SPATA16: variants seen among roughly 807,000 people sequenced by gnomAD.
SPATA16 encodes spermatogenesis associated 16.
Under a neutral mutation model 63.3 loss-of-function variants are expected in SPATA16, and 36 were observed. The observed-to-expected ratio is 0.57, with a 90% CI of 0.44 to 0.75. The LOEUF (loss-of-function observed/expected upper bound fraction) is 0.75. Ranked by LOEUF, SPATA16 falls within the 30% of genes least tolerant of loss-of-function variation. The pLI is 0.00. For synonymous variants in SPATA16, 203 were observed against 216.7 expected (o/e 0.94, Z 0.56); for missense variants, 646 against 679.3 (o/e 0.95, Z 0.54).
At chr3:173,110,533 A>G (rs2108331488) in intron 2 of SPATA16, among the ~76,000 whole-genome samples, 1 of 152,380 alleles carries the variant, frequency 6.6e-6, no homozygotes, top group Middle Eastern at 3.4e-3. Flanking sequence ...AATTAAACAC[A>G]TACCATACAG....
In SPATA16 at chr3:172,909,828, C is replaced by T. The variant is rs145479184; in HGVS notation, c.1587+3833G>A. ...CAGCAATAGATAACAACTGTAATGT[C>T]GCAAAATAGTGGCAAATCCATCATA... is the stretch of plus-strand genomic sequence containing the variant. On this transcript the variant is annotated intron_variant, in intron 10 of 10. Coordinates refer to ENST00000351008, the MANE Select transcript of SPATA16 (RefSeq NM_031955.6). Among the ~76,000 whole-genome samples, 780 of 152,156 alleles carry T rather than the reference C, an allele frequency of 5.1e-3. 8 individuals are homozygous for T. The highest frequency in any genetic ancestry group is 0.018 in the African/African-American group (736 of 41,516).
chr3:172,992,704 C>T (rs1261433166), intron 4 of SPATA16, among the ~76,000 whole-genome samples: 5 of 152,076 alleles, frequency 3.3e-5, no homozygotes, highest in African/African-American at 1.2e-4. Flanking sequence ...GCTACTACTG[C>T]CCTGGGCATG....
At chr3:173,019,678 G>A in intron 3 of SPATA16, 103 bp from the exon 4 acceptor site, 1 of 1,088,192 alleles carries the variant, frequency 9.2e-7, no homozygotes, top group Non-Finnish European at 1.4e-6. Flanking sequence ...TATATACTAT[G>A]TGTTTTTAAA....
chr3:173,018,707 G>A (rs926685592), intron 4 of SPATA16, among the ~76,000 whole-genome samples: 2 of 152,166 alleles, frequency 1.3e-5, no homozygotes, highest in Non-Finnish European at 2.9e-5. Flanking sequence ...ATCCTTAGAA[G>A]TTGTGCTTGG....
intron 4 of SPATA16, among the ~76,000 whole-genome samples, chr3:173,013,318 G>A (rs980440740): frequency 1.3e-5 from 2 of 152,116 alleles, no homozygotes; most frequent in Admixed American, 6.5e-5. Flanking sequence ...ACTCTTGGTG[G>A]GAATGTAAAT....
intron 2 of SPATA16, among the ~76,000 whole-genome samples, chr3:173,107,546 T>C (rs912908377): frequency 6.6e-6 from 1 of 152,092 alleles, no homozygotes; most frequent in Non-Finnish European, 1.5e-5. Context: ...TCTTCTCTAT[T>C]TTAGTGAATG....
intron 2 of SPATA16, among the ~76,000 whole-genome samples, chr3:173,074,695 T>C (rs1736748260): frequency 6.6e-6 from 1 of 151,918 alleles, no homozygotes; most frequent in Non-Finnish European, 1.5e-5. Flanking sequence ...ATGGCAACCA[T>C]AGACACTGGG....
Position 172,889,395 on chromosome 3 carries a change from T to G in SPATA16, c.*175A>C. ...GCTGAGAATATTTATTGCTGCCAGT[T>G]GAGATTAATGAAACATAGAGTGTCT... On this transcript the variant is annotated 3_prime_UTR_variant, in exon 11 of 11. Transcript: ENST00000351008. 193 of 876,976 alleles carry G rather than the reference T, an allele frequency of 2.2e-4. No homozygotes were observed. The highest frequency in any genetic ancestry group is 3.6e-4 in the Middle Eastern group (1 of 2,798). 54.3% of individuals were successfully genotyped at this position (876,976 alleles called of 1,614,324 possible). A position where few individuals can be genotyped will look rare whatever the true frequency, so the allele number is the denominator to read the frequency against.
chr3:173,019,695 A>G, intron 3 of SPATA16, 120 bp from the exon 4 acceptor site: 1 of 896,652 alleles, frequency 1.1e-6, no homozygotes, highest in Middle Eastern at 2.3e-4. Context: ...TAAAGATACT[A>G]GTGAAAGGAG....
At chr3:173,091,549 G>C (rs1737221303) in intron 2 of SPATA16, among the ~76,000 whole-genome samples, 1 of 152,210 alleles carries the variant, frequency 6.6e-6, no homozygotes, top group East Asian at 1.9e-4. Flanking sequence ...GTGAGGTCAA[G>C]CTGTCTTTTG....
At chr3:172,906,501 C>T (rs565702745) in intron 10 of SPATA16, among the ~76,000 whole-genome samples, 41 of 152,276 alleles carry the variant, frequency 2.7e-4, no homozygotes, top group African/African-American at 9.6e-4. Flanking sequence ...ACAAACTGGG[C>T]TGGTTTATAG....
rs538377942 is a variant in SPATA16, at chr3:173,107,202, T to C, written c.612+9918A>G. On this transcript the variant is annotated intron_variant, in intron 2 of 10. Transcript: ENST00000351008. The stretch of plus-strand genomic sequence containing the variant: ...TGTCACTCTTACAGTGACATTGTAG[T>C]GACTTAATAAACTGTGGTTGATTTC... 2.6e-5 allele frequency among the ~76,000 whole-genome samples: 4 copies of C among 152,278 alleles called. No individual in the cohort carries two copies. The South Asian group carries it at 6.2e-4, about 24-fold the overall frequency.
chr3:173,060,982 T>C (rs2108300530), intron 2 of SPATA16, among the ~76,000 whole-genome samples: 1 of 152,330 alleles, frequency 6.6e-6, no homozygotes, highest in South Asian at 2.1e-4. Context: ...GCTAATAGAT[T>C]GAGTTGGTGG....
At chr3:172,905,794 A>C (rs1389216284) in intron 10 of SPATA16, among the ~76,000 whole-genome samples, 1 of 152,240 alleles carries the variant, frequency 6.6e-6, no homozygotes, top group Admixed American at 6.5e-5. Context: ...TGTTGGATTC[A>C]TTGAAGCTTA....
rs544392151 is a variant in SPATA16, at chr3:172,931,061, T to A, written c.1082-5569A>T. Among the ~76,000 whole-genome samples, 15 of 152,052 alleles carry A rather than the reference T, an allele frequency of 9.9e-5. 1 individual carries two copies. The highest frequency in any genetic ancestry group is 2.7e-4 in the African/African-American group (11 of 41,458). ...CTGGTCTCGAACTCCTGACCTCAGG[T>A]GATCCACCCACCTGGGCCTCCCAAA... On this transcript the variant is annotated intron_variant, in intron 6 of 10. Coordinates refer to ENST00000351008, the MANE Select transcript of SPATA16 (RefSeq NM_031955.6).
At chr3:173,033,596 A>G (rs1256889802) in intron 3 of SPATA16, among the ~76,000 whole-genome samples, 2 of 152,112 alleles carry the variant, frequency 1.3e-5, no homozygotes, top group African/African-American at 4.8e-5. Flanking sequence ...TGTCTGTCTA[A>G]TACTGGAGGG....
chr3:172,925,490 G>A lies in SPATA16; in HGVS notation c.1084C>T (p.Leu362Phe). 1 of 1,613,966 alleles carries A rather than the reference G, an allele frequency of 6.2e-7. No homozygotes were observed. Reference protein sequence around the residue: ...PAYAEYMYTDLQALHMLPQTV... With the variant: ...PAYAEYMYTDFQALHMLPQTV... ...TGAGGCAACATGTGGAGTGCTTGAA[G>A]ATCTGAAATATGACAGAAAGAGAAC... Residue 362 changes from leucine (L) to phenylalanine (F), a missense_variant and splice_region_variant, in exon 7 of 11, where the codon CTT becomes TTT. Transcript: ENST00000351008.
At chr3:173,028,013 CCCTTCCTTCTTT>C (rs1200841564) in intron 3 of SPATA16, among the ~76,000 whole-genome samples, 5 of 35,038 alleles carry the variant, frequency 1.4e-4, no homozygotes, top group South Asian at 1.4e-3. Context: ...CTCCCTCCCT[CCCTTCCTTCTTT>C]CCTTCCTTCC....
At chr3:172,912,447 T>C (rs1560064648) in intron 10 of SPATA16, among the ~76,000 whole-genome samples, 2 of 152,152 alleles carry the variant, frequency 1.3e-5, no homozygotes, top group Non-Finnish European at 2.9e-5. Context: ...ACAGTCAGTT[T>C]CTGGGTTTTT....
Sources: allele counts gnomAD v4.1 joint callset (sites outside exome capture counted in the v4.1 genomes callset), GRCh38; gene constraint gnomAD v4.1.1; transcripts MANE v1.5; gene names NCBI Gene and HGNC (gene_info 2026-07-23, HGNC 2026-07-21).